Variants in ZNF383 observed in about 807,000 individuals in gnomAD.
ZNF383 encodes the protein zinc finger protein 383.
Under a neutral mutation model 44.2 loss-of-function variants are expected in ZNF383, and 32 were observed. The ratio of observed to expected loss-of-function variants is 0.72; its 90% CI spans 0.55 to 0.97. ZNF383 has a LOEUF of 0.97. Among genes scored for constraint, ZNF383 ranks in the 50% least tolerant of loss-of-function variants. The pLI is 0.00. For synonymous variants in ZNF383, 155 were observed against 186.2 expected, an observed-to-expected ratio of 0.83 and a Z score of 1.36; for missense variants, 487 against 562.5, an observed-to-expected ratio of 0.87 and a Z score of 1.36.
rs1974320931 is a variant in ZNF383, at chr19:37,245,250, G to A, written c.*1586G>A. 1.3e-5 allele frequency: 2 copies of A among 152,070 alleles called. No homozygotes were observed. The highest frequency in any genetic ancestry group is 2.4e-5 in the African/African-American group (1 of 41,420). The allele number at this position is 152,070 out of a possible 1,614,324, so 9.4% of individuals were successfully genotyped here. On this transcript the variant is annotated 3_prime_UTR_variant, in exon 6 of 6. Transcript: ENST00000684119. Reference sequence around the variant, plus strand: ...AGATGGTGCCACTGCACTCCAGCCTGGGGGACAGAGTGAGATTCCGTCTCA... The same window carrying A: ...AGATGGTGCCACTGCACTCCAGCCTAGGGGACAGAGTGAGATTCCGTCTCA...
At chr19:37,228,064 A>C (rs1973270006) in intron 2 of ZNF383, among the ~76,000 whole-genome samples, 1 of 151,948 alleles carries the variant, frequency 6.6e-6, no homozygotes, top group Non-Finnish European at 1.5e-5. Flanking sequence ...GGTGGAGCAG[A>C]GTGTTTTTTA....
chr19:37,246,852 G>A lies in ZNF383; in HGVS notation c.*3188G>A, dbSNP rs1974390335. ...CTGAAAATATGATGAGTAGTAGAAA[G>A]CACAGCTGTCAAAAAAGCAGGAAGA... On this transcript the variant is annotated 3_prime_UTR_variant, in exon 6 of 6. Coordinates refer to ENST00000684119, the MANE Select transcript of ZNF383 (RefSeq NM_001387601.1). 1 of 151,930 alleles carries A rather than the reference G, an allele frequency of 6.6e-6. No individual in the cohort carries two copies. The highest frequency in any genetic ancestry group is 1.9e-4 in the East Asian group (1 of 5,178). The allele number at this position is 151,930 out of a possible 1,614,324, so 9.4% of individuals were successfully genotyped here.
chr19:37,227,178 A>C (rs1973210982), intron 2 of ZNF383, among the ~76,000 whole-genome samples: 1 of 129,996 alleles, frequency 7.7e-6, no homozygotes, highest in African/African-American at 3.0e-5. Context: ...GCAATGGCGC[A>C]ATCTCGGCTC....
chr19:37,246,262 C>G lies in ZNF383; in HGVS notation c.*2598C>G, dbSNP rs1431835483. On this transcript the variant is annotated 3_prime_UTR_variant, in exon 6 of 6. Coordinates refer to ENST00000684119, the MANE Select transcript of ZNF383 (RefSeq NM_001387601.1). The stretch of plus-strand genomic sequence containing the variant: ...CTATTATCAGTGATATACTCATTAT[C>G]ATAAGTATCTTCATTAGGATTTATG... 6.6e-6 allele frequency: 1 copy of G among 152,128 alleles called. No individual in the cohort carries two copies. Among genetic ancestry groups the G allele is most frequent in the East Asian group, 1.9e-4 (1 of 5,196 alleles). 9.4% of individuals were successfully genotyped at this position (152,128 alleles called of 1,614,324 possible).
chr19:37,230,517 G>A (rs1599789912), intron 3 of ZNF383, 55 bp downstream of exon 3: 14 of 1,186,096 alleles, frequency 1.2e-5, no homozygotes, highest in Non-Finnish European at 1.5e-5. Flanking sequence ...AAAAAAAAAA[G>A]ACATGAGCAT....
At chr19:37,226,264 G>C (rs1973164144) in intron 2 of ZNF383, among the ~76,000 whole-genome samples, 1 of 151,742 alleles carries the variant, frequency 6.6e-6, no homozygotes, top group Non-Finnish European at 1.5e-5. Flanking sequence ...TCCCATACAC[G>C]TCTTTCCCCC....
chr19:37,236,994 C>CACACACACAG (rs1414836772), intron 5 of ZNF383, among the ~76,000 whole-genome samples: 1 of 142,152 alleles, frequency 7.0e-6, no homozygotes, highest in Non-Finnish European at 1.5e-5. Context: ...CACACACACA[C>CACACACACAG]AGAGACACAC....
At chr19:37,235,291 AAAG>A (rs1282473627) in intron 3 of ZNF383, among the ~76,000 whole-genome samples, 3 of 150,022 alleles carry the variant, frequency 2.0e-5, no homozygotes, top group Admixed American at 6.6e-5. Flanking sequence ...AAAAAAAAGA[AAAG>A]AAATCACAAT....
intron 3 of ZNF383, 113 bp from the exon 4 acceptor site, chr19:37,235,436 T>A: frequency 9.6e-7 from 1 of 1,036,734 alleles, no homozygotes; most frequent in Non-Finnish European, 1.4e-6. Flanking sequence ...AAGATACAGG[T>A]TCTCAGTGAC....
At chr19:37,221,563 C>G (rs1438111970) in intron 1 of ZNF383, among the ~76,000 whole-genome samples, 1 of 152,060 alleles carries the variant, frequency 6.6e-6, no homozygotes, top group Non-Finnish European at 1.5e-5. Flanking sequence ...TCCTGGGCAA[C>G]AGGGCAAGAC....
chr19:37,241,997 A>T lies in ZNF383; in HGVS notation c.233-472A>T, dbSNP rs887487641. Among the ~76,000 whole-genome samples, 61 of 132,746 alleles carry T rather than the reference A, an allele frequency of 4.6e-4. 1 individual carries two copies. The highest frequency in any genetic ancestry group is 7.7e-4 in the Non-Finnish European group (49 of 63,304). 87.1% of individuals were successfully genotyped at this position (132,746 alleles called of 152,430 possible). On this transcript the variant is annotated intron_variant, in intron 5 of 5. Transcript: ENST00000684119. ...ATAGTATGTCTATATATACTATATAAATATATATACTTATCTATATATACT... is the reference window on the plus strand; with the variant it reads ...ATAGTATGTCTATATATACTATATATATATATATACTTATCTATATATACT...
At chr19:37,219,120 C>T (rs1972802588) in intron 1 of ZNF383, among the ~76,000 whole-genome samples, 1 of 152,074 alleles carries the variant, frequency 6.6e-6, no homozygotes, top group African/African-American at 2.4e-5. Context: ...TGGGTGACTG[C>T]AGCATTGGGT....
At chr19:37,228,857 T>C (rs1314052759) in intron 2 of ZNF383, among the ~76,000 whole-genome samples, 1 of 152,178 alleles carries the variant, frequency 6.6e-6, no homozygotes, top group Non-Finnish European at 1.5e-5. Context: ...CTAATTATTG[T>C]ATGTAAAAAA....
At chr19:37,238,796 T>A (rs377530939) in intron 5 of ZNF383, among the ~76,000 whole-genome samples, 154 of 152,340 alleles carry the variant, frequency 1.0e-3, no homozygotes, top group African/African-American at 3.4e-3. Context: ...ATCCATTGAA[T>A]GATTTAGCAG....
chr19:37,234,152 C>G (rs547178504), intron 3 of ZNF383, among the ~76,000 whole-genome samples: 1 of 152,288 alleles, frequency 6.6e-6, no homozygotes, highest in Non-Finnish European at 1.5e-5. Flanking sequence ...GCATCAGCCA[C>G]CACGCACGGC....
chr19:37,229,662 GTA>G (rs1357296079), intron 2 of ZNF383, among the ~76,000 whole-genome samples: 28 of 141,064 alleles, frequency 2.0e-4, no homozygotes, highest in African/African-American at 6.4e-4. Flanking sequence ...ATATATGTGT[GTA>G]TATATATGTA....
rs561493138 is a variant in ZNF383, at chr19:37,230,414, C to T, written c.-40C>T. 88 of 1,609,986 alleles carry T rather than the reference C, an allele frequency of 5.5e-5. 1 individual carries two copies. The South Asian group carries it at 8.2e-4, about 15-fold the overall frequency. ...AGAACACTGTCCTTTTTCAGGAGAA[C>T]GGCCTCAAGGAAGACTAACCATCTG... On this transcript the variant is annotated 5_prime_UTR_variant, in exon 3 of 6. The change creates a new upstream start codon in the 5' untranslated region. Transcript: ENST00000684119.
rs1276848209 is a variant in ZNF383, at chr19:37,248,369, A to G, written c.*4705A>G. ...AATTTGTCCAGAATCAGTTATGAAA[A>G]TACAGCATTATAAATTAGCAAATCA... On this transcript the variant is annotated 3_prime_UTR_variant, in exon 6 of 6. Transcript: ENST00000684119. 6.6e-6 allele frequency: 1 copy of G among 152,234 alleles called. No homozygotes were observed. Among genetic ancestry groups the G allele is most frequent in the East Asian group, 1.9e-4 (1 of 5,200 alleles). 9.4% of individuals were successfully genotyped at this position (152,234 alleles called of 1,614,324 possible).
intron 5 of ZNF383, among the ~76,000 whole-genome samples, chr19:37,236,279 C>G (rs1973785667): frequency 6.6e-6 from 1 of 151,954 alleles, no homozygotes; most frequent in South Asian, 2.1e-4. Flanking sequence ...CTACTCCTCT[C>G]CAATCCTCCT....
Sources: gnomAD v4.1 joint callset for allele counts (sites outside exome capture counted in the v4.1 genomes callset) on GRCh38, gnomAD v4.1.1 for gene constraint, MANE v1.5 for transcripts, NCBI Gene and HGNC (gene_info 2026-07-23, HGNC 2026-07-21) for gene names.